Variants in LPP observed in about 807,000 individuals in gnomAD.
The protein encoded by LPP is lipoma-preferred partner.
Under a neutral mutation model 60.4 loss-of-function variants are expected in LPP, and 38 were observed. The observed-to-expected ratio is 0.63, with a 90% CI of 0.49 to 0.83. The LOEUF (loss-of-function observed/expected upper bound fraction) is 0.83, where lower values mean the gene tolerates loss of function less well. Ranked by LOEUF, LPP falls within the 40% of genes least tolerant of loss-of-function variation. LPP has a pLI of 0.00. For synonymous variants in LPP, 328 were observed against 290.8 expected (o/e 1.13, Z -1.30); for missense variants, 902 against 783.6 (o/e 1.15, Z -1.80).
At chr3:188,613,048 G>C (rs553013410) in intron 7 of LPP, among the ~76,000 whole-genome samples, 22 of 152,226 alleles carry the variant, frequency 1.4e-4, no homozygotes, top group Admixed American at 1.4e-3. Context: ...GGGCCATACT[G>C]TATTTCCTAT....
At chr3:188,355,395 C>T (rs142983509) in intron 3 of LPP, among the ~76,000 whole-genome samples, 261 of 152,252 alleles carry the variant, frequency 1.7e-3, no homozygotes, top group African/African-American at 6.0e-3. Context: ...AAATCACTTA[C>T]TGGGACTTTT....
intron 1 of LPP, among the ~76,000 whole-genome samples, chr3:188,174,948 C>T (rs1485342351): frequency 6.6e-6 from 1 of 152,116 alleles, no homozygotes; most frequent in Non-Finnish European, 1.5e-5. Context: ...ATATGCTCGT[C>T]TTATTTTGGG....
intron 9 of LPP, among the ~76,000 whole-genome samples, chr3:188,863,767 A>G (rs982658015): frequency 6.6e-6 from 1 of 152,166 alleles, no homozygotes; most frequent in African/African-American, 2.4e-5. Flanking sequence ...TGTTGCAGAA[A>G]TGTTTGTATT....
At chr3:188,540,468 G>T (rs1180157059) in intron 6 of LPP, among the ~76,000 whole-genome samples, 1 of 152,108 alleles carries the variant, frequency 6.6e-6, no homozygotes. Flanking sequence ...CAAATTCATT[G>T]TGCTCAGGAT....
At chr3:188,194,243 CT>C (rs2149026624) in intron 1 of LPP, among the ~76,000 whole-genome samples, 1 of 152,310 alleles carries the variant, frequency 6.6e-6, no homozygotes, top group East Asian at 1.9e-4. Flanking sequence ...TTCCTCTGTA[CT>C]TCGTAATTGT....
intron 4 of LPP, among the ~76,000 whole-genome samples, chr3:188,422,235 G>T (rs1402394061): frequency 6.6e-6 from 1 of 152,076 alleles, no homozygotes; most frequent in Non-Finnish European, 1.5e-5. Context: ...GAATATTTTG[G>T]TCAGTAATCA....
In LPP at chr3:188,304,301, A is replaced by C. The variant is rs184804797; in HGVS notation, c.-66-37362A>C. ...TTTGTTTGTAGACTAAGATCACTGG[A>C]AGGGCTGTATAGTTTAAGCCTCTTT... is the stretch of plus-strand genomic sequence containing the variant. On this transcript the variant is annotated intron_variant, in intron 2 of 11. Coordinates refer to ENST00000617246, the MANE Select transcript of LPP (RefSeq NM_001375462.1). Among the ~76,000 whole-genome samples the C allele has an allele frequency of 6.6e-5, 10 of 152,264 alleles. No individual in the cohort carries two copies. In the East Asian group the frequency reaches 1.9e-3, roughly 29 times the overall value.
At chr3:188,497,840 C>G (rs1000765806) in intron 5 of LPP, among the ~76,000 whole-genome samples, 1 of 152,144 alleles carries the variant, frequency 6.6e-6, no homozygotes, top group Non-Finnish European at 1.5e-5. Context: ...TACAGTGTCA[C>G]TTTAGTAATT....
intron 7 of LPP, among the ~76,000 whole-genome samples, chr3:188,664,883 T>C (rs770135454): frequency 8.5e-5 from 13 of 152,100 alleles, no homozygotes; most frequent in African/African-American, 1.4e-4. Context: ...CTACCGGCAT[T>C]GAAAGCAAGA....
chr3:188,416,897 A>G (rs1239254253), intron 4 of LPP, among the ~76,000 whole-genome samples: 4 of 152,174 alleles, frequency 2.6e-5, no homozygotes, highest in African/African-American at 9.7e-5. Flanking sequence ...TAAATTATCT[A>G]AAAATGGATT....
At chr3:188,423,055 C>A (rs956046028) in intron 4 of LPP, among the ~76,000 whole-genome samples, 29 of 151,764 alleles carry the variant, frequency 1.9e-4, no homozygotes, top group African/African-American at 7.0e-4. Context: ...ACCCATCAAC[C>A]CGTCATCTAC....
Position 188,397,626 on chromosome 3 carries a change from T to C in LPP, c.-9-8486T>C, listed in dbSNP as rs561829567. ...TGTGTCTCACTTCTTTTTCTTTTTTTTTTTTGAGATGGAGTTTCACCCTGT... is the reference window on the plus strand; with the variant it reads ...TGTGTCTCACTTCTTTTTCTTTTTTCTTTTTGAGATGGAGTTTCACCCTGT... On this transcript the variant is annotated intron_variant, in intron 3 of 11. Coordinates refer to ENST00000617246, the MANE Select transcript of LPP (RefSeq NM_001375462.1). 7.9e-5 allele frequency among the ~76,000 whole-genome samples: 12 copies of C among 152,060 alleles called. No homozygotes were observed. In the South Asian group the frequency reaches 2.5e-3, roughly 32 times the overall value.
chr3:188,666,035 A>G (rs1020277281), intron 7 of LPP, among the ~76,000 whole-genome samples: 5 of 152,234 alleles, frequency 3.3e-5, no homozygotes, highest in Non-Finnish European at 7.3e-5. Context: ...TGCCATTCTT[A>G]TTCATTTATC....
chr3:188,671,703 T>G (rs1186773752), intron 7 of LPP, among the ~76,000 whole-genome samples: 1 of 152,230 alleles, frequency 6.6e-6, no homozygotes, highest in East Asian at 1.9e-4. Context: ...ATTTGCATTT[T>G]GAGATGTAAC....
chr3:188,866,405 C>T (rs1766609076), intron 10 of LPP, 27 bp downstream of exon 10: 2 of 1,407,582 alleles, frequency 1.4e-6, no homozygotes, highest in South Asian at 1.7e-5. Context: ...CTCGTCACCA[C>T]CCTGCCAGTC....
chr3:188,317,707 A>G (rs1333457646), intron 2 of LPP, among the ~76,000 whole-genome samples: 1 of 152,162 alleles, frequency 6.6e-6, no homozygotes, highest in Non-Finnish European at 1.5e-5. Flanking sequence ...TGTATTGGGC[A>G]GGGTCAGGGC....
chr3:188,789,287 T>TTTGTTG (rs35503915), intron 9 of LPP, among the ~76,000 whole-genome samples: 1 of 151,906 alleles, frequency 6.6e-6, no homozygotes, highest in Non-Finnish European at 1.5e-5. Context: ...TGGAACCCTT[T>TTTGTTG]TTGTTGTTGT....
intron 7 of LPP, among the ~76,000 whole-genome samples, chr3:188,683,861 A>C (rs1384793794): frequency 6.6e-6 from 1 of 152,224 alleles, no homozygotes; most frequent in African/African-American, 2.4e-5. Context: ...GGATTCAAAC[A>C]CATTATGCAT....
intron 2 of LPP, among the ~76,000 whole-genome samples, chr3:188,238,646 A>C (rs751917766): frequency 4.6e-5 from 7 of 151,954 alleles, no homozygotes; most frequent in Admixed American, 2.0e-4. Context: ...GAACACACCT[A>C]TTTATTGATC....
Sources: allele counts gnomAD v4.1 joint callset (sites outside exome capture counted in the v4.1 genomes callset), GRCh38; gene constraint gnomAD v4.1.1; transcripts MANE v1.5; gene names NCBI Gene and HGNC (gene_info 2026-07-23, HGNC 2026-07-21).